MTHFD1L: variants seen among roughly 807,000 people sequenced by gnomAD.
MTHFD1L encodes monofunctional C1-tetrahydrofolate synthase, mitochondrial.
MTHFD1L carries 81 observed loss-of-function variants against 119.5 expected under a neutral mutation model. The observed-to-expected ratio is 0.68, with a 90% CI of 0.57 to 0.82. The LOEUF is 0.82. MTHFD1L is among the 40% of genes least tolerant of loss of function. The pLI is 0.00. For synonymous variants in MTHFD1L, 430 were observed against 475.2 expected (o/e 0.90, Z 1.24); for missense variants, 1,125 against 1,253.4 (o/e 0.90, Z 1.55).
chr6:151,044,468 G>A (rs547124375), intron 26 of MTHFD1L, among the ~76,000 whole-genome samples: 1 of 151,528 alleles, frequency 6.6e-6, no homozygotes, highest in East Asian at 1.9e-4. Context: ...CGCCCCGCTA[G>A]TTTTTTGTAT....
rs1038029324 is a variant in MTHFD1L at position 150,960,614 on chromosome 6, G to A, written c.1944+199G>A. ...TCATAGTCATATATGACGTGCTTAT[G>A]CCTGGCTGCAACAAAAACATGTGAA... is the stretch of plus-strand genomic sequence containing the variant. On this transcript the variant is annotated intron_variant, in intron 18 of 27. Transcript: ENST00000367321. Among the ~76,000 whole-genome samples the A allele has an allele frequency of 2.0e-5, 3 of 152,170 alleles. No individual in the cohort carries two copies. In the East Asian group the frequency reaches 5.8e-4, roughly 29 times the overall value.
At position 151,015,701 on chromosome 6, in the gene MTHFD1L, C is replaced by A. The variant is rs1782947899; in HGVS notation, c.2586+8C>A. 6.2e-7 allele frequency: 1 copy of A among 1,611,854 alleles called. No individual in the cohort carries two copies. Among genetic ancestry groups the A allele is most frequent in the Non-Finnish European group, 8.5e-7 (1 of 1,179,084 alleles). On this transcript the variant is annotated splice_region_variant and intron_variant, in intron 24 of 27. Transcript: ENST00000367321. ...TTCCTGTATGATGTTCAGGTAAGAT[C>A]TAGTAAAAACAATGGCTCACATTTC...
chr6:150,887,551 G>A (rs6942166), intron 6 of MTHFD1L, among the ~76,000 whole-genome samples: 1,963 of 152,250 alleles, frequency 0.013, 41 homozygotes, highest in African/African-American at 0.045. Flanking sequence ...TGCCTCCCAG[G>A]TTCAAGTGAT....
At chr6:150,946,619 ATAACT>A in intron 15 of MTHFD1L, among the ~76,000 whole-genome samples, 1 of 152,222 alleles carries the variant, frequency 6.6e-6, no homozygotes, top group East Asian at 1.9e-4. Flanking sequence ...CCTAAATGGT[ATAACT>A]TAACAACCTT....
rs530914777 is a variant in MTHFD1L, at chr6:151,042,477, G to A, written c.2847+5360G>A. 2.4e-4 allele frequency among the ~76,000 whole-genome samples: 37 copies of A among 152,212 alleles called. No individual in the cohort carries two copies. The South Asian group carries it at 7.5e-3, about 31-fold the overall frequency. On this transcript the variant is annotated intron_variant, in intron 26 of 27. Coordinates refer to ENST00000367321, the MANE Select transcript of MTHFD1L (RefSeq NM_015440.5). Reference sequence around the variant, plus strand: ...TTCTACTACAAATTACCCTGTTATGGTATGCTTCCAAAATTCTTTCAAGGA... The same window carrying A: ...TTCTACTACAAATTACCCTGTTATGATATGCTTCCAAAATTCTTTCAAGGA...
At chr6:150,867,794 C>CTTTTTTTTTTTT (rs35396368) in intron 1 of MTHFD1L, among the ~76,000 whole-genome samples, 2 of 115,938 alleles carry the variant, frequency 1.7e-5, no homozygotes, top group African/African-American at 3.4e-5. Flanking sequence ...CATACATATT[C>CTTTTTTTTTTTT]TTTTTTTTTT....
chr6:151,024,040 A>C (rs140070484), intron 24 of MTHFD1L, among the ~76,000 whole-genome samples: 1 of 152,262 alleles, frequency 6.6e-6, no homozygotes, highest in African/African-American at 2.4e-5. Flanking sequence ...CTTAGGGTTT[A>C]GGGGAAAAAA....
chr6:151,046,343 A>G (rs1584299299), intron 26 of MTHFD1L, among the ~76,000 whole-genome samples: 1 of 151,662 alleles, frequency 6.6e-6, no homozygotes, highest in Admixed American at 6.6e-5. Context: ...AAAGATGCTT[A>G]TAACACTTTT....
intron 26 of MTHFD1L, among the ~76,000 whole-genome samples, chr6:151,080,130 A>T (rs1476741063): frequency 2.0e-5 from 3 of 151,996 alleles, no homozygotes; most frequent in Non-Finnish European, 4.4e-5. Context: ...GTGAGCCGAG[A>T]TTGCGCCATT....
chr6:151,081,603 C>T (rs1793188885), intron 26 of MTHFD1L, among the ~76,000 whole-genome samples: 1 of 151,950 alleles, frequency 6.6e-6, no homozygotes, highest in African/African-American at 2.4e-5. Context: ...ACCTGGGAGG[C>T]AGAGGTTGCA....
At chr6:151,029,377 C>T (rs148108756) in intron 24 of MTHFD1L, among the ~76,000 whole-genome samples, 3,836 of 151,776 alleles carry the variant, frequency 0.025, 106 homozygotes, top group Admixed American at 0.092. Flanking sequence ...GCCAAGATCG[C>T]GCCACTACAC....
At chr6:151,007,975 G>T (rs1462228867) in intron 20 of MTHFD1L, among the ~76,000 whole-genome samples, 3 of 152,098 alleles carry the variant, frequency 2.0e-5, no homozygotes, top group Admixed American at 1.3e-4. Context: ...GAACATTTTT[G>T]ATGTAATTTT....
intron 20 of MTHFD1L, among the ~76,000 whole-genome samples, chr6:150,976,796 A>G (rs1776645642): frequency 1.3e-5 from 2 of 150,272 alleles, no homozygotes; most frequent in Admixed American, 6.7e-5. Context: ...AAGACTAAAG[A>G]CTGATAAGAG....
At chr6:150,998,838 A>T (rs1002357073) in intron 20 of MTHFD1L, among the ~76,000 whole-genome samples, 11 of 145,792 alleles carry the variant, frequency 7.5e-5, no homozygotes, top group African/African-American at 2.8e-4. Context: ...AAAAAAAAAA[A>T]CATTAGCTGG....
chr6:150,953,703 G>T (rs1795180054), intron 16 of MTHFD1L, among the ~76,000 whole-genome samples: 1 of 152,196 alleles, frequency 6.6e-6, no homozygotes, highest in East Asian at 1.9e-4. Flanking sequence ...ACTGATTCTA[G>T]TTGATCTTGC....
intron 18 of MTHFD1L, among the ~76,000 whole-genome samples, chr6:150,963,799 C>G (rs188404556): frequency 1.3e-4 from 20 of 152,272 alleles, no homozygotes; most frequent in African/African-American, 4.3e-4. Flanking sequence ...TATGTTATAG[C>G]CTTCCAATAA....
At chr6:151,047,647 C>T (rs1562593143) in intron 26 of MTHFD1L, among the ~76,000 whole-genome samples, 2 of 152,184 alleles carry the variant, frequency 1.3e-5, no homozygotes, top group Non-Finnish European at 1.5e-5. Context: ...ACATCAGTCT[C>T]CTGTTTGACT....
Position 151,014,914 on chromosome 6 carries a change from T to A in MTHFD1L, c.2342T>A (p.Leu781His). ...IQLVADGCCNLQKQIQITQLF... is the reference protein window; with the variant it reads ...IQLVADGCCNHQKQIQITQLF... ...CTGGTGGCAGACGGCTGCTGTAACCTCCAGAAGCAAATTCAGATCACTCAG... is the reference window on the plus strand; with the variant it reads ...CTGGTGGCAGACGGCTGCTGTAACCACCAGAAGCAAATTCAGATCACTCAG... The change falls in exon 23 of 28, where the codon CTC (leucine) becomes CAC (histidine). Residue 781 changes from leucine to histidine, a missense_variant. This residue lies in a region of MTHFD1L where 1,058 missense variants were observed against 1,151.2 expected (regional missense o/e 0.92). Transcript: ENST00000367321. The A allele has an allele frequency of 6.2e-7, 1 of 1,614,130 alleles. No homozygotes were observed. Among genetic ancestry groups the A allele is most frequent in the Non-Finnish European group, 8.5e-7 (1 of 1,180,012 alleles).
chr6:151,045,296 A>G (rs1392200625), intron 26 of MTHFD1L, among the ~76,000 whole-genome samples: 2 of 152,048 alleles, frequency 1.3e-5, no homozygotes, highest in Non-Finnish European at 2.9e-5. Context: ...TAATGTAGTC[A>G]TGCGCTCCCC....
Sources: allele counts gnomAD v4.1 joint callset (sites outside exome capture counted in the v4.1 genomes callset), GRCh38; gene constraint gnomAD v4.1.1; regional missense constraint gnomAD v4.1.1; transcripts MANE v1.5; gene names NCBI Gene and HGNC (gene_info 2026-07-23, HGNC 2026-07-21).